GFPT2: variants seen among roughly 807,000 people sequenced by gnomAD.
GFPT2 encodes glutamine--fructose-6-phosphate transaminase 2.
Under a neutral mutation model 85.6 loss-of-function variants are expected in GFPT2, and 62 were observed. The ratio of observed to expected loss-of-function variants is 0.72; its 90% CI spans 0.59 to 0.90. The LOEUF (loss-of-function observed/expected upper bound fraction) is 0.90, where lower values mean the gene tolerates loss of function less well. GFPT2 is among the 40% of genes least tolerant of loss of function. GFPT2 has a pLI of 0.00. For missense variants in GFPT2, 788 were observed against 893.4 expected, an observed-to-expected ratio of 0.88 and a Z score of 1.50; for synonymous variants, 368 against 344.5, an observed-to-expected ratio of 1.07 and a Z score of -0.75.
At chr5:180,326,519 A>T (rs954007738) in intron 7 of GFPT2, among the ~76,000 whole-genome samples, 10 of 152,214 alleles carry the variant, frequency 6.6e-5, no homozygotes, top group Admixed American at 3.9e-4. Flanking sequence ...CTTGTTTTCC[A>T]GTCACGTTGG....
chr5:180,345,241 T>C (rs1258037740), intron 1 of GFPT2, among the ~76,000 whole-genome samples: 1 of 152,264 alleles, frequency 6.6e-6, no homozygotes, highest in Non-Finnish European at 1.5e-5. Flanking sequence ...CCTGGGGAAA[T>C]AATGGTTAAA....
rs531628490 is a variant in GFPT2 at position 180,352,588 on chromosome 5, G to A, written c.7+623C>T. 18 of 449,098 alleles carry A rather than the reference G, an allele frequency of 4.0e-5. No individual in the cohort carries two copies. In the Admixed American group the frequency reaches 4.0e-4, roughly 10 times the overall value. 27.8% of individuals were successfully genotyped at this position (449,098 alleles called of 1,614,324 possible). On this transcript the variant is annotated intron_variant, in intron 1 of 18. Transcript: ENST00000253778. Reference sequence around the variant, plus strand: ...GTGGCTTCGGGCCGAGGTTCGGGCAGTGACTGCCTCTTCCCCGCGCAAAGA... The same window carrying A: ...GTGGCTTCGGGCCGAGGTTCGGGCAATGACTGCCTCTTCCCCGCGCAAAGA...
Position 180,302,509 on chromosome 5 carries a change from G to A in GFPT2, c.1918C>T (p.His640Tyr), listed in dbSNP as rs1354964104. Residue 640 changes from histidine (H) to tyrosine (Y), a missense_variant, in exon 18 of 19, where the codon CAC (histidine) becomes TAC (tyrosine). By Grantham distance (83) the His-to-Tyr change is moderately conservative. Transcript: ENST00000253778. The stretch of plus-strand genomic sequence containing the variant: ...ATGCCCTGGAGGCAGTCCACAGTGT[G>A]GGGCAGCTCAATTGTCTTATACGCA... ...KFAYKTIELP[H>Y]TVDCLQGILS... The A allele has an allele frequency of 6.2e-7, 1 of 1,613,970 alleles. No homozygotes were observed. The highest frequency in any genetic ancestry group is 8.5e-7 in the Non-Finnish European group (1 of 1,179,864).
In GFPT2 at chr5:180,318,609, G is replaced by C. The variant is rs930934619; in HGVS notation, c.958+184C>G. ...TGCACACAGGAGCCCCCGCTTGGAG[G>C]TGCCAGGCCAGCCTCCCCACATCCC... On this transcript the variant is annotated intron_variant, in intron 10 of 18. Coordinates refer to ENST00000253778, the MANE Select transcript of GFPT2 (RefSeq NM_005110.4). The surrounding 1 kb of genome is among the most constrained non-coding windows in gnomAD (Gnocchi z 4.2). The C allele has an allele frequency of 1.5e-5, 9 of 583,602 alleles. No individual in the cohort carries two copies. Among genetic ancestry groups the C allele is most frequent in the African/African-American group, 5.6e-5 (3 of 53,682 alleles). 36.2% of individuals were successfully genotyped at this position (583,602 alleles called of 1,614,324 possible). A position where few individuals can be genotyped will look rare whatever the true frequency, so the allele number is the denominator to read the frequency against.
chr5:180,332,902 G>T (rs1325706148), intron 4 of GFPT2, among the ~76,000 whole-genome samples: 1 of 152,168 alleles, frequency 6.6e-6, no homozygotes, highest in Non-Finnish European at 1.5e-5. Context: ...GTTCGGGAAA[G>T]ATTTCTCCCA....
rs571988771 is a variant in GFPT2, at chr5:180,325,506, C to T, written c.597-611G>A. ...ATGGAAGTTTAGAATCTTCACCCCGCACCAGGTAGACTTCATCATAAAGAG... is the reference window on the plus strand; with the variant it reads ...ATGGAAGTTTAGAATCTTCACCCCGTACCAGGTAGACTTCATCATAAAGAG... On this transcript the variant is annotated intron_variant, in intron 7 of 18. Coordinates refer to ENST00000253778, the MANE Select transcript of GFPT2 (RefSeq NM_005110.4). Among the ~76,000 whole-genome samples, 135 of 152,330 alleles carry T rather than the reference C, an allele frequency of 8.9e-4. 1 individual carries two copies. The highest frequency in any genetic ancestry group is 3.1e-3 in the African/African-American group (129 of 41,580).
chr5:180,351,375 G>A (rs1383998715), intron 1 of GFPT2, among the ~76,000 whole-genome samples: 3 of 152,350 alleles, frequency 2.0e-5, no homozygotes, highest in African/African-American at 7.2e-5. Context: ...ACTTTCCCAT[G>A]CAGGGATTCC....
In GFPT2 at chr5:180,318,370, G is replaced by A. The variant is rs1161788958; in HGVS notation, c.958+423C>T. ...GACGTTTGCTCAGGCTGCCCTGTGG[G>A]GTAGAGGTTGTAAGGGGACAGAAAT... is the stretch of plus-strand genomic sequence containing the variant. On this transcript the variant is annotated intron_variant, in intron 10 of 18. Coordinates refer to ENST00000253778, the MANE Select transcript of GFPT2 (RefSeq NM_005110.4). The surrounding 1 kb of genome is among the most constrained non-coding windows in gnomAD (Gnocchi z 4.2). Among the ~76,000 whole-genome samples the A allele has an allele frequency of 6.6e-6, 1 of 152,156 alleles. No individual in the cohort carries two copies. The highest frequency in any genetic ancestry group is 6.5e-5 in the Admixed American group (1 of 15,282).
intron 17 of GFPT2, among the ~76,000 whole-genome samples, chr5:180,302,960 T>C (rs1412314214): frequency 1.3e-5 from 2 of 152,098 alleles, no homozygotes; most frequent in Non-Finnish European, 2.9e-5. Flanking sequence ...CCGGGCGTGG[T>C]GGCTCACGCC....
intron 10 of GFPT2, among the ~76,000 whole-genome samples, chr5:180,317,714 G>C (rs4700939): frequency 0.68 from 65,841 of 97,518 alleles, 23,010 homozygotes; most frequent in East Asian, 0.88. Flanking sequence ...AGCCGAGATC[G>C]CGCCACAGCA....
chr5:180,344,215 C>T (rs987669471), intron 1 of GFPT2, among the ~76,000 whole-genome samples: 30 of 152,286 alleles, frequency 2.0e-4, no homozygotes, highest in African/African-American at 6.0e-4. Context: ...GAGTAAATTA[C>T]GCAAGGGCTG....
At chr5:180,311,743 G>A (rs11742980) in intron 15 of GFPT2, among the ~76,000 whole-genome samples, 48,309 of 151,698 alleles carry the variant, frequency 0.32, 7,927 homozygotes, top group East Asian at 0.45. Flanking sequence ...GGTGTGTTAT[G>A]AAAAAAATAA....
chr5:180,333,015 A>C (rs975224563), intron 4 of GFPT2, among the ~76,000 whole-genome samples: 3 of 152,196 alleles, frequency 2.0e-5, no homozygotes, highest in Non-Finnish European at 4.4e-5. Flanking sequence ...GGTCACACCC[A>C]AAAATGGGAG....
Position 180,312,560 on chromosome 5 carries a change from G to GTATA in GFPT2, c.1432-17_1432-16insTATA. 7.8e-7 allele frequency: 1 copy of GTATA among 1,284,438 alleles called. No individual in the cohort carries two copies. The highest frequency in any genetic ancestry group is 1.1e-6 in the Non-Finnish European group (1 of 880,368). 79.6% of individuals were successfully genotyped at this position (1,284,438 alleles called of 1,614,324 possible). Reference sequence around the variant, plus strand: ...TGGTATAAGCCTGTGCACAAAGAAGGAGGTGGCAGGGACCTTATTTTCACT... The same window carrying GTATA: ...TGGTATAAGCCTGTGCACAAAGAAGGTATAAGGTGGCAGGGACCTTATTTTCACT... On this transcript the variant is annotated splice_polypyrimidine_tract_variant and intron_variant, in intron 14 of 18. Transcript: ENST00000253778.
At chr5:180,316,138 C>A (rs1764003097) in intron 13 of GFPT2, among the ~76,000 whole-genome samples, 1 of 151,852 alleles carries the variant, frequency 6.6e-6, no homozygotes, top group Admixed American at 6.5e-5. Context: ...GCTGTCACCC[C>A]CTGACTGCAT....
chr5:180,305,717 G>A (rs540632452), intron 16 of GFPT2, among the ~76,000 whole-genome samples: 11 of 152,280 alleles, frequency 7.2e-5, no homozygotes, highest in East Asian at 3.9e-4. Context: ...CCGCCAGCAC[G>A]TTCAGCCACC....
At chr5:180,307,402 C>T in intron 15 of GFPT2, 99 bp from the exon 16 acceptor site, 2 of 1,188,204 alleles carry the variant, frequency 1.7e-6, no homozygotes, top group South Asian at 1.3e-5. Context: ...GCTTTTGAAA[C>T]CGCATCACTT....
rs867024761 is a variant in GFPT2 at position 180,318,522 on chromosome 5, C to T, written c.958+271G>A. 29 of 449,952 alleles carry T rather than the reference C, an allele frequency of 6.4e-5. No individual in the cohort carries two copies. Among genetic ancestry groups the T allele is most frequent in the Middle Eastern group, 6.2e-4 (1 of 1,624 alleles). 27.9% of individuals were successfully genotyped at this position (449,952 alleles called of 1,614,324 possible). A position where few individuals can be genotyped will look rare whatever the true frequency, so the allele number is the denominator to read the frequency against. On this transcript the variant is annotated intron_variant, in intron 10 of 18. Transcript: ENST00000253778. This position sits in a 1 kb window ranked among gnomAD's most constrained non-coding sequence, Gnocchi z 4.2. ...AGGGTGGGCATGTGTCCCGCGGAGTCGGTGAAGGAAGGCAGCTGACACACT... is the reference window on the plus strand; with the variant it reads ...AGGGTGGGCATGTGTCCCGCGGAGTTGGTGAAGGAAGGCAGCTGACACACT...
At chr5:180,333,300 G>T (rs1439835330) in intron 4 of GFPT2, among the ~76,000 whole-genome samples, 6 of 151,586 alleles carry the variant, frequency 4.0e-5, no homozygotes, top group East Asian at 1.9e-4. Flanking sequence ...AGTGGCGCGA[G>T]CTCGGCTCAC....
Sources: allele counts gnomAD v4.1 joint callset (sites outside exome capture counted in the v4.1 genomes callset), GRCh38; gene constraint gnomAD v4.1.1; non-coding constraint Gnocchi (gnomAD v3.1); transcripts MANE v1.5; gene names NCBI Gene and HGNC (gene_info 2026-07-23, HGNC 2026-07-21).